CNTN5: variants seen among roughly 807,000 people sequenced by gnomAD.
CNTN5 encodes the protein contactin-5.
Under a neutral mutation model 129.1 loss-of-function variants are expected in CNTN5, and 77 were observed. That is an observed-to-expected ratio of 0.60 (90% CI 0.50 to 0.72). CNTN5 has a LOEUF of 0.72. Ranked by LOEUF, CNTN5 falls within the 30% of genes least tolerant of loss-of-function variation. The pLI, the probability that CNTN5 is intolerant of heterozygous loss-of-function variation, is 0.00. For missense variants in CNTN5, 1,478 were observed against 1,328.8 expected, an observed-to-expected ratio of 1.11 and a Z score of -1.75; for synonymous variants, 509 against 465.6, an observed-to-expected ratio of 1.09 and a Z score of -1.20.
chr11:99,109,521 C>T (rs1044792723), intron 1 of CNTN5, among the ~76,000 whole-genome samples: 3 of 152,118 alleles, frequency 2.0e-5, no homozygotes, highest in South Asian at 2.1e-4. Context: ...GCAACTGCCT[C>T]TTTAAACCAG....
chr11:100,074,084 C>T, intron 12 of CNTN5, 60 bp from the exon 13 acceptor site: 1 of 1,433,936 alleles, frequency 7.0e-7, no homozygotes, highest in Non-Finnish European at 9.5e-7. Flanking sequence ...CTTCATGAAT[C>T]ACCCATTAGA....
rs920869041 is a variant in CNTN5 at position 100,211,470 on chromosome 11, G to A, written c.1885-13222G>A. ...CACAGTGCTAGATCAGTCTGATATTGGGAAAAAAAAAAAGTGGGGATTTTT... is the reference window on the plus strand; with the variant it reads ...CACAGTGCTAGATCAGTCTGATATTAGGAAAAAAAAAAAGTGGGGATTTTT... On this transcript the variant is annotated intron_variant, in intron 15 of 24. Transcript: ENST00000524871. 2.0e-5 allele frequency among the ~76,000 whole-genome samples: 3 copies of A among 149,432 alleles called. No individual in the cohort carries two copies. The East Asian group carries it at 5.9e-4, about 29-fold the overall frequency.
chr11:100,214,993 T>G (rs150425273), intron 15 of CNTN5, among the ~76,000 whole-genome samples: 6 of 152,282 alleles, frequency 3.9e-5, no homozygotes, highest in African/African-American at 1.4e-4. Context: ...AAGCCTCAGT[T>G]GTGGATATTG....
chr11:100,309,534 G>T (rs528281814), intron 21 of CNTN5: 8 of 971,782 alleles, frequency 8.2e-6, no homozygotes, highest in Middle Eastern at 5.3e-4. Context: ...TAATTATTTG[G>T]AATGATAATT....
At chr11:100,060,765 G>C (rs748677857) in intron 9 of CNTN5, among the ~76,000 whole-genome samples, 1 of 151,032 alleles carries the variant, frequency 6.6e-6, no homozygotes, top group African/African-American at 2.4e-5. Flanking sequence ...TCAGCCTCCA[G>C]AATAGCTGGG....
At chr11:99,754,948 C>A (rs1944359595) in intron 3 of CNTN5, among the ~76,000 whole-genome samples, 1 of 152,100 alleles carries the variant, frequency 6.6e-6, no homozygotes, top group Non-Finnish European at 1.5e-5. Flanking sequence ...CCCTGGCAAT[C>A]ATTGATCATG....
chr11:99,829,194 T>C (rs1947061779), intron 4 of CNTN5, among the ~76,000 whole-genome samples: 2 of 152,194 alleles, frequency 1.3e-5, no homozygotes, highest in Admixed American at 1.3e-4. Flanking sequence ...TGAAAATACA[T>C]ATTCTAATCT....
chr11:99,098,524 T>G (rs1192588114), intron 1 of CNTN5, among the ~76,000 whole-genome samples: 1 of 151,972 alleles, frequency 6.6e-6, no homozygotes, highest in Non-Finnish European at 1.5e-5. Context: ...AAGAGAAAAA[T>G]CAGCTCTCTG....
chr11:99,150,512 C>A (rs115246456), intron 1 of CNTN5, among the ~76,000 whole-genome samples: 2,050 of 151,942 alleles, frequency 0.013, 43 homozygotes, highest in African/African-American at 0.047. Flanking sequence ...AATTGTAGTT[C>A]ATTTTGCCTT....
intron 1 of CNTN5, among the ~76,000 whole-genome samples, chr11:99,077,918 C>T (rs140727896): frequency 1.6e-3 from 239 of 152,154 alleles, no homozygotes; most frequent in African/African-American, 5.3e-3. Context: ...TATAAATTAC[C>T]CAATCTCAGG....
At chr11:99,477,575 G>T (rs192620027) in intron 2 of CNTN5, among the ~76,000 whole-genome samples, 1 of 151,748 alleles carries the variant, frequency 6.6e-6, no homozygotes, top group Admixed American at 6.6e-5. Flanking sequence ...TACATATAAA[G>T]GGAAAGAGAG....
intron 1 of CNTN5, among the ~76,000 whole-genome samples, chr11:99,194,299 T>C (rs1327494205): frequency 6.6e-6 from 1 of 152,074 alleles, no homozygotes; most frequent in African/African-American, 2.4e-5. Flanking sequence ...AAGTAGCACA[T>C]TTTTAGGAAT....
Position 99,819,833 on chromosome 11 carries a change from G to A in CNTN5, c.277+68G>A, listed in dbSNP as rs190804322. 201 of 493,810 alleles carry A rather than the reference G, an allele frequency of 4.1e-4. No individual in the cohort carries two copies. The East Asian group carries it at 0.013, about 32-fold the overall frequency. The allele number at this position is 493,810 out of a possible 1,614,324, so 30.6% of individuals were successfully genotyped here. A position where few individuals can be genotyped will look rare whatever the true frequency, so the allele number is the denominator to read the frequency against. ...CAAAGAAGACTTATTTAATACTGTT[G>A]CAACAGAGATCAAGACTATTCCAGT... On this transcript the variant is annotated intron_variant, in intron 4 of 24. Transcript: ENST00000524871.
chr11:99,856,299 G>T (rs1333496543), intron 6 of CNTN5, among the ~76,000 whole-genome samples: 1 of 152,126 alleles, frequency 6.6e-6, no homozygotes, highest in Non-Finnish European at 1.5e-5. Context: ...GTCCTCTTCA[G>T]CTAACTGCAG....
intron 2 of CNTN5, among the ~76,000 whole-genome samples, chr11:99,494,430 A>ATCCT (rs1946149776): frequency 6.6e-6 from 1 of 152,210 alleles, no homozygotes; most frequent in Non-Finnish European, 1.5e-5. Flanking sequence ...TATACCTTTT[A>ATCCT]TCCTTATTGG....
chr11:99,819,887 T>C, intron 4 of CNTN5, 122 bp downstream of exon 4: 1 of 696,304 alleles, frequency 1.4e-6, no homozygotes, highest in Non-Finnish European at 2.4e-6. Context: ...TCAACTCTGC[T>C]AAAAATGAAA....
In CNTN5 at chr11:99,688,526, A is replaced by G. The variant is rs970675838; in HGVS notation, c.56-131018A>G. 2.0e-5 allele frequency among the ~76,000 whole-genome samples: 3 copies of G among 152,332 alleles called. No individual in the cohort carries two copies. In the South Asian group the frequency reaches 6.2e-4, roughly 32 times the overall value. On this transcript the variant is annotated intron_variant, in intron 3 of 24. Transcript: ENST00000524871. ...GAGTTTAATGCTAAGTAAGGAGTCA[A>G]TCGTGTAAACTACTCTATGTGACAG...
chr11:99,681,123 A>C (rs1953531535), intron 3 of CNTN5, among the ~76,000 whole-genome samples: 1 of 152,090 alleles, frequency 6.6e-6, no homozygotes, highest in South Asian at 2.1e-4. Flanking sequence ...AGAGTTGCTT[A>C]TTATTGGTGA....
intron 1 of CNTN5, among the ~76,000 whole-genome samples, chr11:99,104,971 G>T (rs531166894): frequency 1.2e-4 from 18 of 152,214 alleles, no homozygotes; most frequent in Non-Finnish European, 2.4e-4. Flanking sequence ...TGGTAAAATT[G>T]CCCTCTGTTA....
Sources: gnomAD v4.1 joint callset for allele counts (sites outside exome capture counted in the v4.1 genomes callset) on GRCh38, gnomAD v4.1.1 for gene constraint, MANE v1.5 for transcripts, NCBI Gene and HGNC (gene_info 2026-07-23, HGNC 2026-07-21) for gene names.